The following ANK2 variants were observed in gnomAD, a reference collection of about 807,000 sequenced individuals.
The protein encoded by ANK2 is ankyrin 2, also known as ankyrin-2.
ANK2 carries 83 observed loss-of-function variants against 360.5 expected under a neutral mutation model. The ratio of observed to expected loss-of-function variants is 0.23; its 90% CI spans 0.19 to 0.28. The LOEUF (loss-of-function observed/expected upper bound fraction) is 0.28. Among genes scored for constraint, ANK2 ranks in the 10% least tolerant of loss-of-function variants. The pLI is 1.00. For synonymous variants in ANK2, 1,740 were observed against 1,759.5 expected, an observed-to-expected ratio of 0.99 and a Z score of 0.28; for missense variants, 4,201 against 4,795.7, an observed-to-expected ratio of 0.88 and a Z score of 3.66.
the ANK2 span, among the ~76,000 whole-genome samples, chr4:112,753,871 G>A: frequency 0.35 from 53,067 of 151,774 alleles, 9,529 homozygotes; most frequent in African/African-American, 0.42. Context: ...GCCAAGGAGG[G>A]TGGATCACTT....
At chr4:113,164,882 T>G (rs2097696811) in intron 1 of ANK2, among the ~76,000 whole-genome samples, 1 of 152,178 alleles carries the variant, frequency 6.6e-6, no homozygotes, top group Non-Finnish European at 1.5e-5. Context: ...TGAAAAGAGT[T>G]TTGTATAGAG....
intron 1 of ANK2, among the ~76,000 whole-genome samples, chr4:112,903,925 T>C (rs887678627): frequency 2.0e-5 from 3 of 152,192 alleles, no homozygotes; most frequent in African/African-American, 4.8e-5. Flanking sequence ...AGATACGATA[T>C]ATGAGATGGC....
At chr4:113,345,653 A>C (rs1320858395) in intron 34 of ANK2, among the ~76,000 whole-genome samples, 1 of 152,232 alleles carries the variant, frequency 6.6e-6, no homozygotes, top group Non-Finnish European at 1.5e-5. Flanking sequence ...CATATATCAA[A>C]TCATCACATT....
intron 2 of ANK2, among the ~76,000 whole-genome samples, chr4:112,963,506 G>A (rs954847622): frequency 2.0e-5 from 3 of 152,098 alleles, no homozygotes; most frequent in African/African-American, 7.2e-5. Context: ...TCAAAATTTT[G>A]ATAAGTAAAA....
chr4:113,105,097 A>G (rs983806841), intron 1 of ANK2, among the ~76,000 whole-genome samples: 8 of 152,120 alleles, frequency 5.3e-5, no homozygotes, highest in African/African-American at 1.9e-4. Flanking sequence ...ATTCAGGAGG[A>G]GAGGAATTTT....
chr4:113,172,953 G>T (rs951825436), intron 1 of ANK2, among the ~76,000 whole-genome samples: 1 of 152,194 alleles, frequency 6.6e-6, no homozygotes, highest in African/African-American at 2.4e-5. Context: ...TTCAGTCGCT[G>T]CAGCATTGCA....
chr4:113,260,114 G>A (rs2051926993), intron 13 of ANK2, among the ~76,000 whole-genome samples: 1 of 152,058 alleles, frequency 6.6e-6, no homozygotes, highest in Admixed American at 6.6e-5. Flanking sequence ...ATCTCTTTTA[G>A]TGGAGACTTT....
chr4:113,033,882 A>T (rs1465033028), intron 2 of ANK2: 1 of 152,008 alleles, frequency 6.6e-6, no homozygotes, highest in Non-Finnish European at 1.5e-5. Flanking sequence ...TGTCTGAATT[A>T]TAGGTAGAAC....
intron 2 of ANK2, among the ~76,000 whole-genome samples, chr4:113,040,095 A>C (rs1023612503): frequency 6.6e-6 from 1 of 152,104 alleles, no homozygotes; most frequent in Non-Finnish European, 1.5e-5. Context: ...TTACAGGAAA[A>C]CCCAATTATA....
chr4:113,273,977 C>T (rs761140288), intron 14 of ANK2, among the ~76,000 whole-genome samples: 6 of 152,274 alleles, frequency 3.9e-5, no homozygotes, highest in Non-Finnish European at 8.8e-5. Context: ...AAATGACCAG[C>T]ATTTGTATCC....
chr4:112,936,725 T>C (rs2093759217), intron 2 of ANK2, among the ~76,000 whole-genome samples: 1 of 151,644 alleles, frequency 6.6e-6, no homozygotes, highest in African/African-American at 2.4e-5. Context: ...AAGATGGAGG[T>C]CAATAATCTA....
intron 4 of ANK2, among the ~76,000 whole-genome samples, chr4:113,227,275 A>G (rs1044201594): frequency 2.0e-5 from 3 of 152,158 alleles, no homozygotes; most frequent in Non-Finnish European, 4.4e-5. Flanking sequence ...CAATGCTCCG[A>G]TCTCCCAACC....
chr4:112,927,982 A>T (rs1365773803), intron 2 of ANK2, among the ~76,000 whole-genome samples: 1 of 152,238 alleles, frequency 6.6e-6, no homozygotes, highest in Non-Finnish European at 1.5e-5. Flanking sequence ...ATTAGCCTAC[A>T]TAATTTATAA....
chr4:112,771,119 AT>A, the ANK2 span, among the ~76,000 whole-genome samples: 39 of 151,704 alleles, frequency 2.6e-4, 1 homozygote, highest in Admixed American at 2.3e-3. Context: ...TTTATTTATT[AT>A]TTTTTTTTCA....
chr4:113,228,128 A>G (rs184569044), intron 4 of ANK2, among the ~76,000 whole-genome samples: 200 of 152,314 alleles, frequency 1.3e-3, no homozygotes, highest in Non-Finnish European at 2.4e-3. Flanking sequence ...ATGTTTGTCT[A>G]TCATTACTCT....
the ANK2 span, among the ~76,000 whole-genome samples, chr4:112,784,350 A>ATTTTTTTTT: frequency 2.9e-5 from 2 of 69,524 alleles, no homozygotes; most frequent in Non-Finnish European, 5.6e-5. Context: ...ACCCTGACTG[A>ATTTTTTTTT]TTTTTTTTTT....
At chr4:113,260,106 CTCTT>C (rs958006751) in intron 13 of ANK2, among the ~76,000 whole-genome samples, 4 of 152,120 alleles carry the variant, frequency 2.6e-5, no homozygotes, top group African/African-American at 9.7e-5. Flanking sequence ...CTGAATTAAT[CTCTT>C]TTAGTGGAGA....
At chr4:112,823,028 G>A (rs562980363) in intron 1 of ANK2, among the ~76,000 whole-genome samples, 2 of 152,174 alleles carry the variant, frequency 1.3e-5, no homozygotes, top group East Asian at 1.9e-4. Context: ...TTTTGGTAAG[G>A]GTAAGACTCC....
the ANK2 span, among the ~76,000 whole-genome samples, chr4:112,794,774 G>C: frequency 6.6e-6 from 1 of 152,152 alleles, no homozygotes; most frequent in Admixed American, 6.5e-5. Flanking sequence ...TTGCTGCCAG[G>C]AGTCTCATTT....
Sources: allele counts gnomAD v4.1 joint callset (sites outside exome capture counted in the v4.1 genomes callset), GRCh38; gene constraint gnomAD v4.1.1; transcripts MANE v1.5; gene names NCBI Gene and HGNC (gene_info 2026-07-23, HGNC 2026-07-21).